Variants in TRPM8 observed in about 807,000 individuals in gnomAD.
TRPM8 encodes TRPM8 cationic channel.
In TRPM8, 110 loss-of-function variants were observed where a neutral mutation model predicts 133.7. The observed-to-expected ratio is 0.82, with a 90% CI of 0.70 to 0.96. The LOEUF is 0.96. TRPM8 is among the 40% of genes least tolerant of loss of function. The probability of loss-of-function intolerance (pLI) is 0.00; values close to 1 mark genes in which losing one functional copy is unlikely to be tolerated. For synonymous variants in TRPM8, 535 were observed against 532.3 expected (o/e 1.01, Z -0.07); for missense variants, 1,291 against 1,379.5 (o/e 0.94, Z 1.02).
At chr2:233,982,333 CTG>C (rs1219368128) in intron 19 of TRPM8, among the ~76,000 whole-genome samples, 19 of 152,296 alleles carry the variant, frequency 1.2e-4, no homozygotes, top group Middle Eastern at 3.4e-3. Flanking sequence ...AATCATGTAA[CTG>C]TGTAATATAG....
intron 7 of TRPM8, 89 bp from the exon 8 acceptor site, chr2:233,946,999 A>G (rs1691059946): frequency 2.6e-6 from 3 of 1,175,064 alleles, no homozygotes; most frequent in East Asian, 2.5e-5. Flanking sequence ...CTAGGCTCAC[A>G]GGGCAGAAGC....
At chr2:233,962,260 C>T (rs1008799015) in intron 12 of TRPM8, among the ~76,000 whole-genome samples, 5 of 152,110 alleles carry the variant, frequency 3.3e-5, no homozygotes, top group Admixed American at 6.5e-5. Context: ...AACTCTTTGC[C>T]GAAAGTTTGT....
At chr2:233,927,726 CTTTCT>C (rs1691550991) in intron 2 of TRPM8, among the ~76,000 whole-genome samples, 2 of 40,788 alleles carry the variant, frequency 4.9e-5, no homozygotes, top group Admixed American at 5.1e-4. Flanking sequence ...TTCTTTCTTT[CTTTCT>C]TTCTTTCTTT....
chr2:234,004,973 A>T (rs1432899348), intron 22 of TRPM8, among the ~76,000 whole-genome samples: 1 of 152,228 alleles, frequency 6.6e-6, no homozygotes, highest in Non-Finnish European at 1.5e-5. Context: ...CAGCCTATGG[A>T]TGCACCATAA....
At chr2:233,990,038 T>G (rs184768669) in intron 21 of TRPM8, among the ~76,000 whole-genome samples, 1 of 152,326 alleles carries the variant, frequency 6.6e-6, no homozygotes, top group East Asian at 1.9e-4. Flanking sequence ...AAGAAAATAA[T>G]GACCTGATAC....
intron 18 of TRPM8, among the ~76,000 whole-genome samples, chr2:233,980,502 T>C (rs748276636): frequency 2.6e-5 from 4 of 152,164 alleles, no homozygotes; most frequent in Non-Finnish European, 5.9e-5. Context: ...TCCTGCATGA[T>C]TTTTCTCTTT....
intron 22 of TRPM8, among the ~76,000 whole-genome samples, chr2:233,999,132 G>A (rs1000509749): frequency 3.1e-4 from 47 of 152,188 alleles, no homozygotes; most frequent in African/African-American, 9.4e-4. Context: ...CCATGATTCT[G>A]TGGGTCCCTC....
At chr2:233,975,479 AG>A (rs1691846346) in intron 17 of TRPM8, among the ~76,000 whole-genome samples, 1 of 152,216 alleles carries the variant, frequency 6.6e-6, no homozygotes, top group South Asian at 2.1e-4. Flanking sequence ...TTCACCCCTC[AG>A]GCTCCCAAAC....
At chr2:233,927,962 T>TCTCTCTCTCTCTCTCTC (rs1559516800) in intron 2 of TRPM8, among the ~76,000 whole-genome samples, 5 of 31,420 alleles carry the variant, frequency 1.6e-4, no homozygotes, top group Admixed American at 4.0e-4. Flanking sequence ...CTCTCTCTCT[T>TCTCTCTCTCTCTCTCTC]TCTTTCTTTC....
At chr2:234,011,913 T>TTAAA (rs1559553274) in intron 24 of TRPM8, among the ~76,000 whole-genome samples, 1 of 27,984 alleles carries the variant, frequency 3.6e-5, no homozygotes. Context: ...CGAGACTGTC[T>TTAAA]CAAAAAAAAA....
At chr2:233,961,870 T>C (rs1043155754) in intron 12 of TRPM8, among the ~76,000 whole-genome samples, 6 of 152,140 alleles carry the variant, frequency 3.9e-5, no homozygotes, top group African/African-American at 1.4e-4. Flanking sequence ...CCTCAGGTGA[T>C]TTGCCTGCCT....
intron 3 of TRPM8, chr2:233,933,750 C>T (rs1292187321): frequency 1.2e-5 from 2 of 163,178 alleles, no homozygotes; most frequent in African/African-American, 4.8e-5. Flanking sequence ...CCCCCATCCT[C>T]CAATAAGCTT....
intron 22 of TRPM8, among the ~76,000 whole-genome samples, chr2:234,000,865 G>A (rs1692543451): frequency 1.3e-5 from 2 of 152,128 alleles, no homozygotes. Flanking sequence ...TTTTAGTAGG[G>A]ACAGGTTTCG....
chr2:234,007,003 G>A (rs773436686), intron 23 of TRPM8, 51 bp downstream of exon 23: 1 of 1,421,490 alleles, frequency 7.0e-7, no homozygotes, highest in South Asian at 1.2e-5. Context: ...GTAGACATAA[G>A]CCCATAGAAC....
intron 17 of TRPM8, among the ~76,000 whole-genome samples, chr2:233,971,627 C>T (rs1402021573): frequency 6.6e-6 from 1 of 152,016 alleles, no homozygotes; most frequent in Non-Finnish European, 1.5e-5. Context: ...TGTTACAGCT[C>T]TTAAGGTGGT....
chr2:233,972,806 C>T (rs889874274), intron 17 of TRPM8, among the ~76,000 whole-genome samples: 14 of 152,190 alleles, frequency 9.2e-5, no homozygotes, highest in African/African-American at 9.6e-5. Flanking sequence ...CTCCATCTGG[C>T]CCGCAAGCTC....
At chr2:233,935,630 C>T (rs192164953) in intron 3 of TRPM8, among the ~76,000 whole-genome samples, 120 of 152,314 alleles carry the variant, frequency 7.9e-4, no homozygotes, top group Non-Finnish European at 8.7e-4. Flanking sequence ...ACATGTCTCC[C>T]ACTTTGCTAT....
At chr2:233,970,157 T>C (rs1691675072) in intron 16 of TRPM8, 53 bp from the exon 17 acceptor site, 2 of 1,486,426 alleles carry the variant, frequency 1.3e-6, no homozygotes, top group Non-Finnish European at 1.9e-6. Flanking sequence ...GGGAGGGCTG[T>C]GCCCGTCCCA....
In TRPM8 at chr2:234,005,927, TACACACACAC is replaced by T. The variant is rs35379195; in HGVS notation, c.3131-894_3131-885del. On this transcript the variant is annotated intron_variant, in intron 22 of 25. Transcript: ENST00000324695. ...TGGGTGACAAGAGCGAAACGTCATCTACACACACACACACACACACACACACACACACACA... is the reference window on the plus strand; with the variant it reads ...TGGGTGACAAGAGCGAAACGTCATCTACACACACACACACACACACACACA... Among the ~76,000 whole-genome samples the T allele has an allele frequency of 9.3e-4, 127 of 136,076 alleles. 2 individuals carry two copies. Among genetic ancestry groups the T allele is most frequent in the African/African-American group, 3.2e-3 (114 of 35,114 alleles). 89.3% of individuals were successfully genotyped at this position (136,076 alleles called of 152,430 possible).
Sources: gnomAD v4.1 joint callset for allele counts (sites outside exome capture counted in the v4.1 genomes callset) on GRCh38, gnomAD v4.1.1 for gene constraint, MANE v1.5 for transcripts, NCBI Gene and HGNC (gene_info 2026-07-23, HGNC 2026-07-21) for gene names.